The following TMEM132D variants were observed in gnomAD, a reference collection of about 807,000 sequenced individuals.
TMEM132D encodes mature OL transmembrane protein.
TMEM132D carries 21 observed loss-of-function variants against 62.3 expected under a neutral mutation model. The observed-to-expected ratio is 0.34, with a 90% CI of 0.24 to 0.49. The LOEUF is 0.49. Ranked by LOEUF, TMEM132D falls within the 20% of genes least tolerant of loss-of-function variation. TMEM132D has a pLI of 0.99. For synonymous variants in TMEM132D, 621 were observed against 575.6 expected (o/e 1.08, Z -1.13); for missense variants, 1,346 against 1,402.8 (o/e 0.96, Z 0.65).
chr12:129,774,625 AT>A (rs1338674912), intron 1 of TMEM132D, among the ~76,000 whole-genome samples: 1 of 152,186 alleles, frequency 6.6e-6, no homozygotes. Context: ...TTACACAGTA[AT>A]TGTAATAAGA....
intron 5 of TMEM132D, among the ~76,000 whole-genome samples, chr12:129,133,116 C>T (rs576195482): frequency 6.6e-6 from 1 of 152,176 alleles, no homozygotes; most frequent in Non-Finnish European, 1.5e-5. Flanking sequence ...CCTCCCTAAT[C>T]CTTCTTGCTT....
At chr12:129,078,314 T>A (rs35619051) in intron 8 of TMEM132D, among the ~76,000 whole-genome samples, 9,869 of 152,286 alleles carry the variant, frequency 0.065, 581 homozygotes, top group African/African-American at 0.16. Flanking sequence ...GCAATCCTTA[T>A]GTATATATGT....
chr12:129,736,436 A>T (rs1869425318), intron 1 of TMEM132D, among the ~76,000 whole-genome samples: 1 of 152,222 alleles, frequency 6.6e-6, no homozygotes, highest in South Asian at 2.1e-4. Context: ...ATGTCAAATA[A>T]TTCAGAAACA....
chr12:129,237,540 C>T (rs1253405005), intron 4 of TMEM132D, among the ~76,000 whole-genome samples: 4 of 152,018 alleles, frequency 2.6e-5, no homozygotes, highest in Admixed American at 2.0e-4. Flanking sequence ...ATGTAAATTT[C>T]CCAGATTTCT....
At chr12:129,236,447 G>A (rs1439572141) in intron 4 of TMEM132D, among the ~76,000 whole-genome samples, 1 of 147,268 alleles carries the variant, frequency 6.8e-6, no homozygotes, top group East Asian at 2.0e-4. Flanking sequence ...CCTAGGAGGC[G>A]GAGGTTAAGG....
At position 129,745,854 on chromosome 12, in the gene TMEM132D, G is replaced by A. The variant is rs532524354; in HGVS notation, c.80-45156C>T. Among the ~76,000 whole-genome samples the A allele has an allele frequency of 3.9e-5, 6 of 152,316 alleles. No individual in the cohort carries two copies. In the South Asian group the frequency reaches 1.0e-3, roughly 26 times the overall value. ...ATGATGTAAACTATTCGCCTGCGTA[G>A]AGTGAAGGTCTCTGATTCTGTGTGG... On this transcript the variant is annotated intron_variant, in intron 1 of 8. Coordinates refer to ENST00000422113, the MANE Select transcript of TMEM132D (RefSeq NM_133448.3).
intron 2 of TMEM132D, among the ~76,000 whole-genome samples, chr12:129,640,868 T>C (rs1879625329): frequency 6.6e-6 from 1 of 152,108 alleles, no homozygotes; most frequent in Non-Finnish European, 1.5e-5. Flanking sequence ...CATTAGATTC[T>C]CATAGGAGTG....
chr12:129,257,204 CTTTT>C (rs10609616), intron 4 of TMEM132D, among the ~76,000 whole-genome samples: 18 of 122,618 alleles, frequency 1.5e-4, no homozygotes, highest in Admixed American at 7.4e-4. Flanking sequence ...CTGTTTCTTT[CTTTT>C]TTTTTTTTTT....
At chr12:129,850,796 G>T (rs765335162) in intron 1 of TMEM132D, among the ~76,000 whole-genome samples, 1 of 152,152 alleles carries the variant, frequency 6.6e-6, no homozygotes, top group African/African-American at 2.4e-5. Context: ...TGTTACCAAC[G>T]ATGATTTATT....
intron 1 of TMEM132D, among the ~76,000 whole-genome samples, chr12:129,748,851 G>C (rs1299988463): frequency 1.3e-5 from 2 of 152,166 alleles, no homozygotes; most frequent in Non-Finnish European, 2.9e-5. Context: ...GAGGGTTTGA[G>C]AAACAAGGCT....
chr12:129,419,677 A>G (rs1308519001), intron 3 of TMEM132D, among the ~76,000 whole-genome samples: 5 of 152,222 alleles, frequency 3.3e-5, no homozygotes, highest in African/African-American at 4.8e-5. Flanking sequence ...GCTACTTACA[A>G]TGAAGAGAAT....
At chr12:129,733,182 A>C (rs1256302776) in intron 1 of TMEM132D, among the ~76,000 whole-genome samples, 2 of 152,180 alleles carry the variant, frequency 1.3e-5, no homozygotes. Flanking sequence ...GGGTGTGGGA[A>C]GGCCCAGATT....
At chr12:129,279,028 A>G (rs573275195) in intron 4 of TMEM132D, among the ~76,000 whole-genome samples, 1 of 152,300 alleles carries the variant, frequency 6.6e-6, no homozygotes, top group South Asian at 2.1e-4. Flanking sequence ...GGCAGTTTCT[A>G]GTTTTATAAG....
In TMEM132D at chr12:129,277,629, A is replaced by G. The variant is rs907078962; in HGVS notation, c.1299+60005T>C. Among the ~76,000 whole-genome samples the G allele has an allele frequency of 1.8e-4, 28 of 152,234 alleles. No homozygotes were observed. Among genetic ancestry groups the G allele is most frequent in the African/African-American group, 5.5e-4 (23 of 41,466 alleles). ...CCAAAGTTGCTCATTTAAAAATTTA[A>G]AAGATTACATTTGAAAGTTAGAAAC... On this transcript the variant is annotated intron_variant, in intron 4 of 8. Transcript: ENST00000422113. This position sits in a 1 kb window ranked among gnomAD's most constrained non-coding sequence, Gnocchi z 4.2.
intron 3 of TMEM132D, among the ~76,000 whole-genome samples, chr12:129,484,970 G>A (rs7969639): frequency 0.58 from 87,672 of 152,038 alleles, 26,749 homozygotes; most frequent in African/African-American, 0.79. Context: ...CTTCACAGAG[G>A]GCCAAAGGGA....
At chr12:129,574,020 G>C (rs1877590170) in intron 2 of TMEM132D, among the ~76,000 whole-genome samples, 1 of 151,916 alleles carries the variant, frequency 6.6e-6, no homozygotes, top group Non-Finnish European at 1.5e-5. Context: ...ATCAGAGCTT[G>C]CATGTGTTGG....
chr12:129,870,999 A>G (rs535518917), intron 1 of TMEM132D, among the ~76,000 whole-genome samples: 116 of 152,264 alleles, frequency 7.6e-4, no homozygotes, highest in Non-Finnish European at 1.4e-3. Flanking sequence ...AGACACAGAC[A>G]GCAGGCAGAG....
intron 3 of TMEM132D, among the ~76,000 whole-genome samples, chr12:129,473,324 G>GGTTT (rs765814219): frequency 1.3e-4 from 11 of 81,556 alleles, no homozygotes; most frequent in African/African-American, 5.3e-4. Context: ...TTTAGTTTTT[G>GGTTT]TTTTTTTTTT....
At chr12:129,075,206 G>T in intron 8 of TMEM132D, 147 bp from the exon 9 acceptor site, 3 of 654,902 alleles carry the variant, frequency 4.6e-6, no homozygotes, top group Non-Finnish European at 7.4e-6. Flanking sequence ...GCGATAAGAA[G>T]TACCAAGAGT....
Sources: allele counts gnomAD v4.1 joint callset (sites outside exome capture counted in the v4.1 genomes callset), GRCh38; gene constraint gnomAD v4.1.1; non-coding constraint Gnocchi (gnomAD v3.1); transcripts MANE v1.5; gene names NCBI Gene and HGNC (gene_info 2026-07-23, HGNC 2026-07-21).